TES: variants seen among roughly 807,000 people sequenced by gnomAD.
TES encodes testin.
In TES, 41 loss-of-function variants were observed where a neutral mutation model predicts 48.2. The ratio of observed to expected loss-of-function variants is 0.85; its 90% CI spans 0.66 to 1.10. The LOEUF (loss-of-function observed/expected upper bound fraction) is 1.10. Ranked by LOEUF, TES falls within the 50% of genes least tolerant of loss-of-function variation. The probability of loss-of-function intolerance (pLI) is 0.00; values close to 1 mark genes in which losing one functional copy is unlikely to be tolerated. For synonymous variants in TES, 162 were observed against 174.9 expected (o/e 0.93, Z 0.58); for missense variants, 463 against 515.1 (o/e 0.90, Z 0.98).
chr7:116,254,740 CAA>C lies in TES; in HGVS notation c.1077+2271_1077+2272del, dbSNP rs72573276. Among the ~76,000 whole-genome samples the C allele has an allele frequency of 5.1e-3, 708 of 139,684 alleles. 5 individuals are homozygous for C. Among genetic ancestry groups the C allele is most frequent in the African/African-American group, 0.016 (625 of 38,326 alleles). 91.6% of individuals were successfully genotyped at this position (139,684 alleles called of 152,430 possible). A position where few individuals can be genotyped will look rare whatever the true frequency, so the allele number is the denominator to read the frequency against. On this transcript the variant is annotated intron_variant, in intron 6 of 6. Transcript: ENST00000358204. ...TGATTGATAGTGCGACACTCCGTCTCAAAAAAAATATATATATATGTGTGTGT... is the reference window on the plus strand; with the variant it reads ...TGATTGATAGTGCGACACTCCGTCTCAAAAAATATATATATATGTGTGTGT...
intron 6 of TES, among the ~76,000 whole-genome samples, 153 bp from the exon 7 acceptor site, chr7:116,257,141 A>G (rs1485251456): frequency 6.6e-6 from 1 of 152,184 alleles, no homozygotes; most frequent in East Asian, 1.9e-4. Context: ...CAGTTGGCCA[A>G]AAAGGTTAGC....
chr7:116,242,858 C>T (rs1172435362), intron 2 of TES, among the ~76,000 whole-genome samples: 1 of 152,046 alleles, frequency 6.6e-6, no homozygotes, highest in Non-Finnish European at 1.5e-5. Flanking sequence ...TGTAACTTTT[C>T]ACACTGCTCT....
intron 2 of TES, among the ~76,000 whole-genome samples, chr7:116,241,893 C>T (rs1198696428): frequency 6.6e-6 from 1 of 152,134 alleles, no homozygotes; most frequent in Non-Finnish European, 1.5e-5. Context: ...GTAAATTTAA[C>T]TCTTTATATT....
At chr7:116,243,752 A>G (rs969367141) in intron 2 of TES, 1 of 152,148 alleles carries the variant, frequency 6.6e-6, no homozygotes, top group Admixed American at 6.6e-5. Flanking sequence ...TTTATTTTTC[A>G]AGAGACTGAG....
chr7:116,256,856 C>G (rs761755840), intron 6 of TES, among the ~76,000 whole-genome samples: 41 of 152,108 alleles, frequency 2.7e-4, no homozygotes, highest in Non-Finnish European at 4.4e-4. Flanking sequence ...TTACTACTGT[C>G]TAGAAATTAG....
chr7:116,250,910 A>G (rs571007788), intron 4 of TES, among the ~76,000 whole-genome samples: 1 of 152,306 alleles, frequency 6.6e-6, no homozygotes, highest in African/African-American at 2.4e-5. Context: ...ATTCAAACTT[A>G]AATTTAATTT....
chr7:116,250,643 C>T (rs1329674743), intron 4 of TES, 147 bp downstream of exon 4: 1 of 643,576 alleles, frequency 1.6e-6, no homozygotes. Context: ...TCAGTTTAGA[C>T]TTCCCACAGA....
rs1800116608 is a variant in TES at position 116,257,377 on chromosome 7, G to A, written c.1161G>A (p.Glu387=). Residue 387 remains glutamate (E), a synonymous_variant, in exon 7 of 7, where the codon GAG becomes GAA. Coordinates refer to ENST00000358204, the MANE Select transcript of TES (RefSeq NM_015641.4). The part of the protein sequence containing the change: ...YNNFSWHAST[E]CFLCSCCSKC... ...ATTTCAGCTGGCATGCATCCACAGA[G>A]TGCTTTCTGTGCTCTTGCTGCAGCA... The A allele has an allele frequency of 1.2e-6, 2 of 1,613,938 alleles. No individual in the cohort carries two copies. The highest frequency in any genetic ancestry group is 2.7e-5 in the African/African-American group (2 of 74,874).
rs531556014 is a variant in TES, at chr7:116,228,011, T to G, written c.28-6523T>G. Reference sequence around the variant, plus strand: ...GATGTTCCATAGTCTTTTTTTTGTTTTTTTTTTTTTGTTTTTTTTTAAGTA... The same window carrying G: ...GATGTTCCATAGTCTTTTTTTTGTTGTTTTTTTTTTGTTTTTTTTTAAGTA... On this transcript the variant is annotated intron_variant, in intron 1 of 6. Coordinates refer to ENST00000358204, the MANE Select transcript of TES (RefSeq NM_015641.4). Among the ~76,000 whole-genome samples, 8 of 144,082 alleles carry G rather than the reference T, an allele frequency of 5.6e-5. No homozygotes were observed. In the East Asian group the frequency reaches 8.8e-4, roughly 16 times the overall value. 94.5% of individuals were successfully genotyped at this position (144,082 alleles called of 152,430 possible).
chr7:116,244,310 T>G (rs1191309042), intron 2 of TES, among the ~76,000 whole-genome samples: 2 of 152,140 alleles, frequency 1.3e-5, no homozygotes, highest in Non-Finnish European at 2.9e-5. Context: ...TAAAAGCAAG[T>G]TAGTTACTTC....
intron 2 of TES, among the ~76,000 whole-genome samples, chr7:116,235,643 G>A (rs1188968899): frequency 2.6e-5 from 4 of 152,044 alleles, no homozygotes; most frequent in African/African-American, 7.2e-5. Context: ...GTCCATAGTG[G>A]TAATTCACAA....
chr7:116,256,960 A>C (rs969935040), intron 6 of TES, among the ~76,000 whole-genome samples: 1 of 152,218 alleles, frequency 6.6e-6, no homozygotes, highest in African/African-American at 2.4e-5. Context: ...CTTCTGTGTA[A>C]TTACAAATGT....
At chr7:116,222,588 AG>A (rs1291637282) in intron 1 of TES, among the ~76,000 whole-genome samples, 5 of 152,190 alleles carry the variant, frequency 3.3e-5, no homozygotes, top group African/African-American at 1.2e-4. Flanking sequence ...CATAGCCTTT[AG>A]GCATCGCAAG....
rs556266642 is a variant in TES, at chr7:116,251,205, A to G, written c.703-555A>G. Among the ~76,000 whole-genome samples, 10 of 152,366 alleles carry G rather than the reference A, an allele frequency of 6.6e-5. No homozygotes were observed. In the East Asian group the frequency reaches 9.6e-4, roughly 15 times the overall value. ...CTTTTTCCATAAGTGACCTTAATTC[A>G]GGAAATAATGCCTGTTACACACAGG... On this transcript the variant is annotated intron_variant, in intron 4 of 6. Transcript: ENST00000358204.
chr7:116,218,050 C>G, intron 1 of TES: 1 of 422,792 alleles, frequency 2.4e-6, no homozygotes, highest in East Asian at 7.0e-5. Flanking sequence ...GGAGTCGGCT[C>G]AGATTTGAGC....
intron 1 of TES, among the ~76,000 whole-genome samples, chr7:116,223,912 C>G (rs1262474529): frequency 6.6e-6 from 1 of 152,164 alleles, no homozygotes; most frequent in African/African-American, 2.4e-5. Flanking sequence ...AAGATGGTTC[C>G]CAATTACTCC....
At chr7:116,249,478 T>C (rs1263579470) in intron 3 of TES, 5 of 573,562 alleles carry the variant, frequency 8.7e-6, no homozygotes, top group Non-Finnish European at 1.2e-5. Context: ...CCTAGATATG[T>C]TTACCTTTTT....
chr7:116,213,013 G>T (rs142942618), intron 1 of TES, among the ~76,000 whole-genome samples: 2 of 152,112 alleles, frequency 1.3e-5, no homozygotes, highest in African/African-American at 4.8e-5. Flanking sequence ...GAGATGTCCC[G>T]TATGACTCCA....
intron 2 of TES, among the ~76,000 whole-genome samples, chr7:116,240,215 C>A (rs1204088397): frequency 1.3e-5 from 2 of 152,102 alleles, no homozygotes; most frequent in Non-Finnish European, 2.9e-5. Flanking sequence ...TGTAGCAATG[C>A]CATGGCCGTG....
Sources: gnomAD v4.1 joint callset for allele counts (sites outside exome capture counted in the v4.1 genomes callset) on GRCh38, gnomAD v4.1.1 for gene constraint, MANE v1.5 for transcripts, NCBI Gene and HGNC (gene_info 2026-07-23, HGNC 2026-07-21) for gene names.